Variants in SIK2 observed in about 807,000 individuals in gnomAD.
SIK2 encodes the protein serine/threonine-protein kinase SIK2.
In SIK2, 29 loss-of-function variants were observed where a neutral mutation model predicts 103.2. The ratio of observed to expected loss-of-function variants is 0.28; its 90% CI spans 0.21 to 0.38. The LOEUF (loss-of-function observed/expected upper bound fraction) is 0.38, where lower values mean the gene tolerates loss of function less well. Among genes scored for constraint, SIK2 ranks in the 10% least tolerant of loss-of-function variants. The pLI is 1.00. For synonymous variants in SIK2, 412 were observed against 446.1 expected (o/e 0.92, Z 0.96); for missense variants, 879 against 1,171.0 (o/e 0.75, Z 3.64).
chr11:111,705,156 T>G lies in SIK2; in HGVS notation c.1101+17T>G. The G allele has an allele frequency of 6.5e-7, 1 of 1,547,676 alleles. No individual in the cohort carries two copies. Among genetic ancestry groups the G allele is most frequent in the Non-Finnish European group, 8.6e-7 (1 of 1,157,940 alleles). The stretch of plus-strand genomic sequence containing the variant: ...GTTGCCAAGGTAATGCCCCCTTAGC[T>G]GAGAGTCTTATCTGTGCATGTGCCT... On this transcript the variant is annotated intron_variant, in intron 8 of 14. Coordinates refer to ENST00000304987, the MANE Select transcript of SIK2 (RefSeq NM_015191.3). The surrounding 1 kb of genome is among the most constrained non-coding windows in gnomAD (Gnocchi z 4.3).
intron 3 of SIK2, among the ~76,000 whole-genome samples, chr11:111,653,166 G>A (rs143519659): frequency 8.9e-4 from 136 of 152,196 alleles, no homozygotes; most frequent in African/African-American, 3.1e-3. Context: ...CAACCAGAAG[G>A]GCCACCCTGA....
intron 3 of SIK2, among the ~76,000 whole-genome samples, chr11:111,631,233 C>T (rs916136512): frequency 7.9e-5 from 12 of 152,132 alleles, no homozygotes; most frequent in Non-Finnish European, 1.5e-4. Flanking sequence ...GTATTTCATT[C>T]TGTAGTGTAG....
intron 3 of SIK2, among the ~76,000 whole-genome samples, chr11:111,656,195 AAG>A (rs1271967087): frequency 1.3e-5 from 2 of 152,096 alleles, no homozygotes; most frequent in South Asian, 2.1e-4. Flanking sequence ...ATCCAACAAA[AAG>A]AGAGAGAGAT....
Position 111,724,111 on chromosome 11 carries a change from G to A in SIK2, c.2763G>A (p.Gly921=), listed in dbSNP as rs762165315. ...ACGCTGTGGATCCACAACACAACGG[G>A]TATGTCCTGGTGAATTAGTCTCAGC... The part of the protein sequence containing the change: ...MLDAVDPQHN[G]YVLVN The change falls in exon 15 of 15, where the codon GGG becomes GGA. Residue 921 remains glycine (G), a synonymous_variant. Coordinates refer to ENST00000304987, the MANE Select transcript of SIK2 (RefSeq NM_015191.3). 1.5e-5 allele frequency: 24 copies of A among 1,610,894 alleles called. No homozygotes were observed. The highest frequency in any genetic ancestry group is 1.9e-5 in the Non-Finnish European group (23 of 1,179,608).
At chr11:111,604,170 C>G (rs1157439573) in intron 1 of SIK2, among the ~76,000 whole-genome samples, 2 of 152,258 alleles carry the variant, frequency 1.3e-5, no homozygotes, top group Non-Finnish European at 2.9e-5. Flanking sequence ...AAATCTTAAT[C>G]TGATCCCAGC....
rs188911423 is a variant in SIK2, at chr11:111,693,291, G to A, written c.478+5129G>A. On this transcript the variant is annotated intron_variant, in intron 4 of 14. Coordinates refer to ENST00000304987, the MANE Select transcript of SIK2 (RefSeq NM_015191.3). ...AGAGGTTGCAGTGAGCCGAGATTGTGCCACTGCCCTCCAGCCTGGTGACAG... is the reference window on the plus strand; with the variant it reads ...AGAGGTTGCAGTGAGCCGAGATTGTACCACTGCCCTCCAGCCTGGTGACAG... Among the ~76,000 whole-genome samples the A allele has an allele frequency of 6.4e-4, 97 of 150,926 alleles. 2 individuals are homozygous for A. The East Asian group carries it at 0.018, about 29-fold the overall frequency.
intron 3 of SIK2, among the ~76,000 whole-genome samples, chr11:111,666,306 T>C (rs1170159009): frequency 6.6e-6 from 1 of 152,198 alleles, no homozygotes; most frequent in Non-Finnish European, 1.5e-5. Flanking sequence ...AAGGGTATGG[T>C]ATTGCTTCTC....
At chr11:111,668,959 A>G (rs769150162) in intron 3 of SIK2, among the ~76,000 whole-genome samples, 6 of 152,210 alleles carry the variant, frequency 3.9e-5, no homozygotes, top group Non-Finnish European at 4.4e-5. Context: ...TTAGAGTGGC[A>G]TCATAGATAT....
rs189381443 is a variant in SIK2 at position 111,716,491 on chromosome 11, T to C, written c.1267-3284T>C. 7.5e-3 allele frequency among the ~76,000 whole-genome samples: 1,133 copies of C among 151,974 alleles called. 9 individuals are homozygous for C. The highest frequency in any genetic ancestry group is 0.061 in the Middle Eastern group (18 of 294). On this transcript the variant is annotated intron_variant, in intron 9 of 14. Transcript: ENST00000304987. ...ACTGAGGAGGCTGAGGCAGGAGAAT[T>C]GCTTGAACCTGGGAGATGGAGGTTG...
chr11:111,703,509 C>T (rs972985650), intron 7 of SIK2, 86 bp downstream of exon 7: 9 of 1,167,922 alleles, frequency 7.7e-6, no homozygotes, highest in Admixed American at 5.6e-5. Context: ...TCTTTTAGCA[C>T]ATGTATCTCC....
In SIK2 at chr11:111,612,959, G is replaced by A. The variant is rs1478868704; in HGVS notation, c.136-3284G>A. Among the ~76,000 whole-genome samples, 9 of 107,958 alleles carry A rather than the reference G, an allele frequency of 8.3e-5. No homozygotes were observed. In the South Asian group the frequency reaches 2.3e-3, roughly 28 times the overall value. The allele number at this position is 107,958 out of a possible 152,430, so 70.8% of individuals were successfully genotyped here. A position where few individuals can be genotyped will look rare whatever the true frequency, so the allele number is the denominator to read the frequency against. On this transcript the variant is annotated intron_variant, in intron 1 of 14. Coordinates refer to ENST00000304987, the MANE Select transcript of SIK2 (RefSeq NM_015191.3). ...ATATATATATATATTTATGATCATA[G>A]GATCATAGATGGATAAAGTCTGTGA...
rs116804584 is a variant in SIK2 at position 111,717,951 on chromosome 11, T to C, written c.1267-1824T>C. ...ATGGGAGGGAGAGCATCAGGAAGAA[T>C]AGCTGATGCATGCAGGGCTTAATAC... is the stretch of plus-strand genomic sequence containing the variant. On this transcript the variant is annotated intron_variant, in intron 9 of 14. Transcript: ENST00000304987. Among the ~76,000 whole-genome samples, 766 of 152,194 alleles carry C rather than the reference T, an allele frequency of 5.0e-3. 4 individuals are homozygous for C. The highest frequency in any genetic ancestry group is 0.017 in the African/African-American group (718 of 41,514).
At chr11:111,625,049 CAAGGAGG>C (rs890839671) in intron 3 of SIK2, among the ~76,000 whole-genome samples, 18 of 151,950 alleles carry the variant, frequency 1.2e-4, no homozygotes, top group African/African-American at 3.6e-4. Context: ...GAGAGAAGAG[CAAGGAGG>C]AAGAACAGTA....
At position 111,668,602 on chromosome 11, in the gene SIK2, G is replaced by A. The variant is rs967038519; in HGVS notation, c.317-19399G>A. ...CAAATTAAAGATGTCTTCAGTTTCC[G>A]ATCATATGGGAGCTTATTGTGCCAT... On this transcript the variant is annotated intron_variant, in intron 3 of 14. Transcript: ENST00000304987. Among the ~76,000 whole-genome samples the A allele has an allele frequency of 2.6e-5, 4 of 152,166 alleles. No homozygotes were observed. In the South Asian group the frequency reaches 6.2e-4, roughly 24 times the overall value.
rs185095981 is a variant in SIK2, at chr11:111,705,870, G to C, written c.1101+731G>C. On this transcript the variant is annotated intron_variant, in intron 8 of 14. Transcript: ENST00000304987. The surrounding 1 kb of genome is among the most constrained non-coding windows in gnomAD (Gnocchi z 4.3). ...AGAAGAAATTTGGAGAGAGCAGTTAGGAGAGTGTTACAGTAGAGATGAGAA... is the reference window on the plus strand; with the variant it reads ...AGAAGAAATTTGGAGAGAGCAGTTACGAGAGTGTTACAGTAGAGATGAGAA... Among the ~76,000 whole-genome samples the C allele has an allele frequency of 7.3e-3, 1,119 of 152,320 alleles. 8 individuals are homozygous for C. The highest frequency in any genetic ancestry group is 0.061 in the Middle Eastern group (18 of 294).
chr11:111,708,636 A>G lies in SIK2; in HGVS notation c.1101+3497A>G, dbSNP rs1015970510. 1.1e-4 allele frequency among the ~76,000 whole-genome samples: 17 copies of G among 152,212 alleles called. 1 individual carries two copies. In the South Asian group the frequency reaches 3.5e-3, roughly 32 times the overall value. The stretch of plus-strand genomic sequence containing the variant: ...GGTCTCGCTGTGTCACCAAGGCCAG[A>G]GGACAGTGGCAATCACAGCTCACTT... On this transcript the variant is annotated intron_variant, in intron 8 of 14. Transcript: ENST00000304987.
intron 1 of SIK2, among the ~76,000 whole-genome samples, chr11:111,606,361 C>A (rs1941647983): frequency 2.6e-5 from 4 of 151,958 alleles, no homozygotes; most frequent in Admixed American, 2.6e-4. Context: ...TATAATTCCT[C>A]CACTAATGGG....
intron 3 of SIK2, among the ~76,000 whole-genome samples, chr11:111,655,415 G>GA (rs370579947): frequency 2.6e-4 from 40 of 152,170 alleles, no homozygotes; most frequent in African/African-American, 9.4e-4. Context: ...AAAAAGAAAA[G>GA]AAAAAATATG....
intron 6 of SIK2, among the ~76,000 whole-genome samples, chr11:111,702,671 T>A (rs1447202930): frequency 6.6e-6 from 1 of 152,200 alleles, no homozygotes. Context: ...AAGAGCATCA[T>A]GTCAGCTCAG....
Sources: allele counts gnomAD v4.1 joint callset (sites outside exome capture counted in the v4.1 genomes callset), GRCh38; gene constraint gnomAD v4.1.1; non-coding constraint Gnocchi (gnomAD v3.1); transcripts MANE v1.5; gene names NCBI Gene and HGNC (gene_info 2026-07-23, HGNC 2026-07-21).